EEA1: variants seen among roughly 807,000 people sequenced by gnomAD.
EEA1 encodes the protein early endosome antigen 1, 162kD.
A neutral mutation model predicts 209.2 loss-of-function variants in EEA1; 111 were observed. The observed-to-expected ratio is 0.53, with a 90% CI of 0.45 to 0.62. The LOEUF is 0.62. Among genes scored for constraint, EEA1 ranks in the 20% least tolerant of loss-of-function variants. The probability of loss-of-function intolerance (pLI) is 0.00; values close to 1 mark genes in which losing one functional copy is unlikely to be tolerated. For synonymous variants in EEA1, 536 were observed against 540.6 expected, an observed-to-expected ratio of 0.99 and a Z score of 0.12; for missense variants, 1,343 against 1,530.8, an observed-to-expected ratio of 0.88 and a Z score of 2.05.
chr12:92,889,927 AAAG>A (rs1435777036), intron 2 of EEA1, among the ~76,000 whole-genome samples: 17 of 152,192 alleles, frequency 1.1e-4, no homozygotes, highest in Non-Finnish European at 2.4e-4. Context: ...AAAAAGAAAG[AAAG>A]AAGAAGATAC....
At chr12:92,785,375 A>C (rs1016747457) in intron 22 of EEA1, among the ~76,000 whole-genome samples, 2 of 152,194 alleles carry the variant, frequency 1.3e-5, no homozygotes, top group Non-Finnish European at 2.9e-5. Flanking sequence ...CTGTCAACCC[A>C]TGGTAGATAG....
chr12:92,915,810 G>A (rs979061271), intron 1 of EEA1, among the ~76,000 whole-genome samples: 2 of 152,112 alleles, frequency 1.3e-5, no homozygotes, highest in Non-Finnish European at 2.9e-5. Context: ...GATTGATTTG[G>A]AGCCATAAAT....
intron 1 of EEA1, among the ~76,000 whole-genome samples, chr12:92,906,142 A>G (rs1311383564): frequency 6.8e-6 from 1 of 146,822 alleles, no homozygotes; most frequent in African/African-American, 2.5e-5. Context: ...CCTAGGCTGG[A>G]GTGCAGTGGT....
intron 10 of EEA1, among the ~76,000 whole-genome samples, chr12:92,838,590 C>G (rs1321693312): frequency 6.6e-6 from 1 of 151,918 alleles, no homozygotes; most frequent in African/African-American, 2.4e-5. Flanking sequence ...TCAATCAACA[C>G]CAAGAGTTGA....
In EEA1 at chr12:92,813,059, T is replaced by A. The variant is rs1384231999; in HGVS notation, c.1964A>T (p.Glu655Val). Residue 655 changes from glutamate to valine, a missense_variant, in exon 16 of 29, where the codon GAA becomes GTA. Around this residue, in one of 3 missense-constraint regions of EEA1, gnomAD observed 1,307 missense variants for 1,465.5 expected, o/e 0.89. Coordinates refer to ENST00000322349, the MANE Select transcript of EEA1 (RefSeq NM_003566.4). ...KAKTELLLSAEAAKTAQRADL... is the reference protein window; with the variant it reads ...KAKTELLLSAVAAKTAQRADL... ...AGCTCTTTGAGCAGTTTTTGCTGCT[T>A]CTGCTGATAGTAATAGTTCGGTTTT... is the stretch of plus-strand genomic sequence containing the variant. 6.3e-7 allele frequency: 1 copy of A among 1,596,854 alleles called. No homozygotes were observed. The highest frequency in any genetic ancestry group is 1.7e-5 in the Admixed American group (1 of 59,850).
At chr12:92,837,957 G>T (rs909365803) in intron 10 of EEA1, among the ~76,000 whole-genome samples, 1 of 152,172 alleles carries the variant, frequency 6.6e-6, no homozygotes, top group African/African-American at 2.4e-5. Flanking sequence ...AGGGGTGAGA[G>T]AAGTAGATAG....
chr12:92,884,084 T>C, intron 2 of EEA1: 5 of 1,251,926 alleles, frequency 4.0e-6, no homozygotes, highest in Admixed American at 1.7e-5. Flanking sequence ...CACTTAACTA[T>C]GAAAAAGATA....
At chr12:92,839,030 G>T (rs564846950) in intron 10 of EEA1, among the ~76,000 whole-genome samples, 13 of 152,266 alleles carry the variant, frequency 8.5e-5, no homozygotes, top group African/African-American at 2.4e-4. Flanking sequence ...TTTGTTGCCA[G>T]TGATAAAACT....
chr12:92,816,097 T>C (rs569815181), intron 15 of EEA1, 103 bp downstream of exon 15: 2 of 1,046,090 alleles, frequency 1.9e-6, no homozygotes, highest in African/African-American at 1.6e-5. Context: ...TTATTTCAAA[T>C]TTTTTTCAAT....
At chr12:92,842,779 C>G (rs1877225219) in intron 9 of EEA1, among the ~76,000 whole-genome samples, 198 bp from the exon 10 acceptor site, 2 of 152,122 alleles carry the variant, frequency 1.3e-5, no homozygotes, top group South Asian at 4.1e-4. Flanking sequence ...AACTAAGATG[C>G]ATAACTTCAT....
intron 19 of EEA1, 84 bp downstream of exon 19, chr12:92,802,320 C>T: frequency 1.6e-6 from 2 of 1,275,518 alleles, no homozygotes; most frequent in East Asian, 5.1e-5. Context: ...GAAAGAAAAG[C>T]AAACTGTGAA....
At chr12:92,864,563 C>T (rs1472039230) in intron 3 of EEA1, among the ~76,000 whole-genome samples, 1 of 152,024 alleles carries the variant, frequency 6.6e-6, no homozygotes, top group Non-Finnish European at 1.5e-5. Flanking sequence ...CTAAGCAAAT[C>T]GTATCATCTT....
rs181168198 is a variant in EEA1 at position 92,805,884 on chromosome 12, C to T, written c.2339+3133G>A. 2.6e-5 allele frequency among the ~76,000 whole-genome samples: 4 copies of T among 152,280 alleles called. No individual in the cohort carries two copies. The East Asian group carries it at 7.7e-4, about 29-fold the overall frequency. On this transcript the variant is annotated intron_variant, in intron 18 of 28. Transcript: ENST00000322349. ...ACTTCTAAACCAATCCACCCTTATA[C>T]TCAGAGCTGCCATGAATCCATTGAG...
intron 1 of EEA1, among the ~76,000 whole-genome samples, chr12:92,902,969 C>G (rs2136767489): frequency 6.8e-6 from 1 of 146,822 alleles, no homozygotes; most frequent in Admixed American, 6.8e-5. Flanking sequence ...GAGTCTCGCT[C>G]TGTCACCCAG....
chr12:92,843,825 A>T (rs1877279755), intron 9 of EEA1, among the ~76,000 whole-genome samples: 1 of 152,158 alleles, frequency 6.6e-6, no homozygotes, highest in African/African-American at 2.4e-5. Context: ...TATTCATATC[A>T]TATATTACAA....
intron 21 of EEA1, among the ~76,000 whole-genome samples, chr12:92,793,748 C>G (rs1008078497): frequency 6.6e-6 from 1 of 152,112 alleles, no homozygotes; most frequent in Admixed American, 6.6e-5. Context: ...ATCAAGCTAC[C>G]AATGACTTTC....
intron 2 of EEA1, chr12:92,879,178 C>T: frequency 3.1e-6 from 1 of 322,576 alleles, no homozygotes; most frequent in South Asian, 2.5e-5. Context: ...ATCTGAAATG[C>T]TTGAGACACT....
intron 10 of EEA1, among the ~76,000 whole-genome samples, chr12:92,838,288 T>C (rs558466628): frequency 8.5e-5 from 13 of 152,282 alleles, no homozygotes; most frequent in African/African-American, 3.1e-4. Flanking sequence ...ATTTCAGCTA[T>C]CAATATCAAA....
At chr12:92,907,939 A>G (rs569588123) in intron 1 of EEA1, among the ~76,000 whole-genome samples, 2 of 152,316 alleles carry the variant, frequency 1.3e-5, no homozygotes, top group South Asian at 4.1e-4. Flanking sequence ...ACTGCGCTCC[A>G]GCCTGGGTGA....
Sources: allele counts gnomAD v4.1 joint callset (sites outside exome capture counted in the v4.1 genomes callset), GRCh38; gene constraint gnomAD v4.1.1; regional missense constraint gnomAD v4.1.1; transcripts MANE v1.5; gene names NCBI Gene and HGNC (gene_info 2026-07-23, HGNC 2026-07-21).